PDCD1LG2: variants seen among roughly 807,000 people sequenced by gnomAD.
PDCD1LG2 encodes the protein B7 dendritic cell molecule.
Under a neutral mutation model 28.2 loss-of-function variants are expected in PDCD1LG2, and 32 were observed. The ratio of observed to expected loss-of-function variants is 1.13; its 90% CI spans 0.86 to 1.52. PDCD1LG2 has a LOEUF of 1.52. Ranked by LOEUF, PDCD1LG2 falls within the 40% of genes most tolerant of loss-of-function variation. PDCD1LG2 has a pLI of 0.00. For synonymous variants in PDCD1LG2, 116 were observed against 120.2 expected (o/e 0.97, Z 0.23); for missense variants, 385 against 323.8 (o/e 1.19, Z -1.45).
intron 4 of PDCD1LG2, among the ~76,000 whole-genome samples, chr9:5,556,548 A>C (rs1362467949): frequency 6.6e-6 from 1 of 152,196 alleles, no homozygotes; most frequent in African/African-American, 2.4e-5. Flanking sequence ...CCTCAACTCT[A>C]AAATGAGGGG....
rs1232756042 is a variant in PDCD1LG2 at position 5,570,726 on chromosome 9, G to C, written c.*767G>C. 2 of 231,268 alleles carry C rather than the reference G, an allele frequency of 8.6e-6. No homozygotes were observed. Among genetic ancestry groups the C allele is most frequent in the African/African-American group, 4.4e-5 (2 of 45,226 alleles). The allele number at this position is 231,268 out of a possible 1,614,324, so 14.3% of individuals were successfully genotyped here. On this transcript the variant is annotated 3_prime_UTR_variant, in exon 7 of 7. Coordinates refer to ENST00000397747, the MANE Select transcript of PDCD1LG2 (RefSeq NM_025239.4). ...TTACCTTAGAAATCAATTATATACA[G>C]TCAAAAATATTTGATATGCTCATAC...
At chr9:5,515,742 T>C (rs1031748459) in intron 1 of PDCD1LG2, among the ~76,000 whole-genome samples, 3 of 151,286 alleles carry the variant, frequency 2.0e-5, no homozygotes, top group African/African-American at 7.3e-5. Context: ...GCCAAGATGG[T>C]GAAACTCCAT....
intron 6 of PDCD1LG2, among the ~76,000 whole-genome samples, chr9:5,568,020 T>A (rs970958603): frequency 6.6e-6 from 1 of 152,144 alleles, no homozygotes; most frequent in African/African-American, 2.4e-5. Flanking sequence ...GCATTCCACA[T>A]GGGTGTGTTT....
intron 3 of PDCD1LG2, among the ~76,000 whole-genome samples, chr9:5,546,699 T>C (rs1198041188): frequency 6.6e-6 from 1 of 152,194 alleles, no homozygotes; most frequent in African/African-American, 2.4e-5. Context: ...CTTATGGTGA[T>C]TCCAATTAAG....
At chr9:5,568,322 A>C (rs775059061) in intron 6 of PDCD1LG2, among the ~76,000 whole-genome samples, 2 of 152,214 alleles carry the variant, frequency 1.3e-5, no homozygotes, top group South Asian at 4.1e-4. Context: ...ACAAGCGGGC[A>C]CTACTACCTG....
intron 2 of PDCD1LG2, among the ~76,000 whole-genome samples, chr9:5,524,151 G>T (rs1820327895): frequency 6.6e-6 from 1 of 152,180 alleles, no homozygotes; most frequent in South Asian, 2.1e-4. Context: ...TCATTTTGCA[G>T]GTGAGGGAAC....
At chr9:5,568,657 T>A (rs527807737) in intron 6 of PDCD1LG2, among the ~76,000 whole-genome samples, 1 of 152,326 alleles carries the variant, frequency 6.6e-6, no homozygotes. Flanking sequence ...AAGCCCACCT[T>A]ACCATCAATC....
intron 5 of PDCD1LG2, among the ~76,000 whole-genome samples, chr9:5,562,818 C>G (rs559881630): frequency 3.9e-5 from 6 of 152,294 alleles, no homozygotes; most frequent in East Asian, 3.9e-4. Context: ...CCAGGGAAGG[C>G]AGGCAGAAGT....
At chr9:5,538,692 A>G (rs1463178813) in intron 3 of PDCD1LG2, among the ~76,000 whole-genome samples, 3 of 152,108 alleles carry the variant, frequency 2.0e-5, no homozygotes, top group African/African-American at 7.2e-5. Context: ...TGTCTCAAAA[A>G]AAGAAAAAAA....
At chr9:5,537,646 G>A (rs7026886) in intron 3 of PDCD1LG2, among the ~76,000 whole-genome samples, 12,119 of 152,072 alleles carry the variant, frequency 0.08, 1,582 homozygotes, top group African/African-American at 0.27. Context: ...ACCAAACACC[G>A]CATGTTCTCA....
rs936132177 is a variant in PDCD1LG2 at position 5,555,483 on chromosome 9, C to CT, written c.632-2133dup. On this transcript the variant is annotated intron_variant, in intron 4 of 6. Transcript: ENST00000397747. ...AGAGTATGCAAGAATTTTAAAACAA[C>CT]TTAGAGGAATATGTATGAGGATACA... Among the ~76,000 whole-genome samples the CT allele has an allele frequency of 5.3e-5, 8 of 152,028 alleles. No individual in the cohort carries two copies. In the East Asian group the frequency reaches 1.5e-3, roughly 29 times the overall value.
chr9:5,559,175 C>T (rs1816507690), intron 5 of PDCD1LG2, among the ~76,000 whole-genome samples: 1 of 152,180 alleles, frequency 6.6e-6, no homozygotes, highest in Non-Finnish European at 1.5e-5. Context: ...ATCCTTCACC[C>T]CAATCTTAAG....
At chr9:5,565,190 A>AT (rs1001274401) in intron 6 of PDCD1LG2, among the ~76,000 whole-genome samples, 1 of 151,176 alleles carries the variant, frequency 6.6e-6, no homozygotes, top group African/African-American at 2.4e-5. Context: ...ATTTAATTCA[A>AT]TTTTTTTTTA....
chr9:5,538,895 C>G (rs543732383), intron 3 of PDCD1LG2, among the ~76,000 whole-genome samples: 159 of 151,730 alleles, frequency 1.0e-3, no homozygotes, highest in African/African-American at 3.7e-3. Context: ...AGTGATGTTT[C>G]AATATATACA....
chr9:5,535,200 C>G, intron 3 of PDCD1LG2, 150 bp downstream of exon 3: 2 of 747,712 alleles, frequency 2.7e-6, no homozygotes, highest in Non-Finnish European at 4.2e-6. Context: ...AGCATCTGCT[C>G]GGAAATAATT....
At chr9:5,560,085 A>G (rs75255772) in intron 5 of PDCD1LG2, among the ~76,000 whole-genome samples, 7 of 152,300 alleles carry the variant, frequency 4.6e-5, no homozygotes, top group African/African-American at 1.7e-4. Context: ...ATTACATTAA[A>G]TCCCCTTATT....
At chr9:5,553,963 G>A (rs1816386459) in intron 4 of PDCD1LG2, among the ~76,000 whole-genome samples, 1 of 151,904 alleles carries the variant, frequency 6.6e-6, no homozygotes, top group Admixed American at 6.6e-5. Flanking sequence ...CTTTGCTCAG[G>A]TTTTTCCACA....
At chr9:5,560,394 GC>G (rs1312477716) in intron 5 of PDCD1LG2, among the ~76,000 whole-genome samples, 1 of 152,190 alleles carries the variant, frequency 6.6e-6, no homozygotes, top group African/African-American at 2.4e-5. Context: ...GTCTACTCCG[GC>G]CATGCAGAAT....
At chr9:5,538,090 A>G (rs988455609) in intron 3 of PDCD1LG2, among the ~76,000 whole-genome samples, 7 of 152,234 alleles carry the variant, frequency 4.6e-5, no homozygotes, top group African/African-American at 1.7e-4. Context: ...ATGAATGAAA[A>G]GAAACAATTT....
Sources: gnomAD v4.1 joint callset for allele counts (sites outside exome capture counted in the v4.1 genomes callset) on GRCh38, gnomAD v4.1.1 for gene constraint, MANE v1.5 for transcripts, NCBI Gene and HGNC (gene_info 2026-07-23, HGNC 2026-07-21) for gene names.